OPCML: variants seen among roughly 807,000 people sequenced by gnomAD.
OPCML encodes opioid-binding protein/cell adhesion molecule.
A neutral mutation model predicts 37.8 loss-of-function variants in OPCML; 13 were observed. The ratio of observed to expected loss-of-function variants is 0.34; its 90% confidence interval spans 0.22 to 0.55. The LOEUF (loss-of-function observed/expected upper bound fraction) is 0.55. Ranked by LOEUF, OPCML falls within the 20% of genes least tolerant of loss-of-function variation. The pLI is 0.91. For synonymous variants in OPCML, 176 were observed against 168.8 expected (o/e 1.04, Z -0.33); for missense variants, 341 against 435.6 (o/e 0.78, Z 1.93).
At chr11:132,727,634 G>A (rs1034735076) in intron 2 of OPCML, among the ~76,000 whole-genome samples, 2 of 152,138 alleles carry the variant, frequency 1.3e-5, no homozygotes, top group African/African-American at 4.8e-5. Context: ...CGAGTCCCAT[G>A]CCCATCAATT....
chr11:132,768,326 C>T (rs1047622419), intron 2 of OPCML, among the ~76,000 whole-genome samples: 1 of 152,156 alleles, frequency 6.6e-6, no homozygotes, highest in Non-Finnish European at 1.5e-5. Context: ...TGCCCCCATT[C>T]CGTCGATCTC....
intron 2 of OPCML, among the ~76,000 whole-genome samples, chr11:132,779,266 C>G (rs949424994): frequency 3.3e-5 from 5 of 152,120 alleles, no homozygotes; most frequent in Non-Finnish European, 7.3e-5. Flanking sequence ...CCACACCTGG[C>G]CTTAAGTTGT....
At chr11:133,138,340 A>G (rs987916282) in intron 1 of OPCML, among the ~76,000 whole-genome samples, 1 of 152,176 alleles carries the variant, frequency 6.6e-6, no homozygotes, top group Non-Finnish European at 1.5e-5. Flanking sequence ...TCCCAGCCTC[A>G]GCTAATCTGT....
At chr11:132,812,459 GAA>G (rs1242976879) in intron 2 of OPCML, among the ~76,000 whole-genome samples, 2 of 149,674 alleles carry the variant, frequency 1.3e-5, no homozygotes. Context: ...TCAAGAGGGA[GAA>G]AGTTTTAAAA....
intron 2 of OPCML, among the ~76,000 whole-genome samples, chr11:132,659,704 CTGTGTGTGTGTG>C (rs58318033): frequency 4.8e-5 from 7 of 147,232 alleles, no homozygotes; most frequent in African/African-American, 1.7e-4. Context: ...CACAAAATTC[CTGTGTGTGTGTG>C]TGTGTGTGTG....
At chr11:133,398,643 A>C (rs760512178) in intron 1 of OPCML, among the ~76,000 whole-genome samples, 1 of 152,226 alleles carries the variant, frequency 6.6e-6, no homozygotes, top group Admixed American at 6.5e-5. Flanking sequence ...GCAAACAAGA[A>C]ATATGCAATT....
At chr11:132,459,023 T>C (rs2096091850) in intron 4 of OPCML, among the ~76,000 whole-genome samples, 1 of 152,252 alleles carries the variant, frequency 6.6e-6, no homozygotes, top group Non-Finnish European at 1.5e-5. Context: ...AATGAATGTT[T>C]TGTACTCTGT....
At chr11:132,975,224 G>A (rs1466769733) in intron 1 of OPCML, among the ~76,000 whole-genome samples, 1 of 151,790 alleles carries the variant, frequency 6.6e-6, no homozygotes, top group Non-Finnish European at 1.5e-5. Flanking sequence ...ATAATGTAAT[G>A]ATAGGAAGTG....
chr11:133,106,730 T>C (rs1259462719), intron 1 of OPCML, among the ~76,000 whole-genome samples: 2 of 152,164 alleles, frequency 1.3e-5, no homozygotes, highest in East Asian at 3.8e-4. Flanking sequence ...CTGCTTAGGA[T>C]GGGGGAGTGG....
At chr11:133,396,113 C>A (rs1945280603) in intron 1 of OPCML, among the ~76,000 whole-genome samples, 1 of 151,672 alleles carries the variant, frequency 6.6e-6, no homozygotes, top group South Asian at 2.1e-4. Context: ...TTGGTTAATT[C>A]CTAGGTATTT....
chr11:133,450,790 G>C (rs547264939), intron 1 of OPCML, among the ~76,000 whole-genome samples: 11 of 151,572 alleles, frequency 7.3e-5, no homozygotes, highest in Non-Finnish European at 1.3e-4. Context: ...TATTGTCCTG[G>C]ATAGCTCAAT....
At chr11:132,821,963 C>T (rs117159825) in intron 2 of OPCML, among the ~76,000 whole-genome samples, 2,488 of 152,294 alleles carry the variant, frequency 0.016, 27 homozygotes, top group Middle Eastern at 0.031. Context: ...GATATTACAG[C>T]TCTCTATCTG....
chr11:133,283,258 G>A (rs1277373929), intron 1 of OPCML, among the ~76,000 whole-genome samples: 1 of 152,238 alleles, frequency 6.6e-6, no homozygotes, highest in South Asian at 2.1e-4. Context: ...TTCAGTCACG[G>A]GGGCAGATCC....
At chr11:133,180,413 A>G (rs1376409914) in intron 1 of OPCML, among the ~76,000 whole-genome samples, 1 of 151,506 alleles carries the variant, frequency 6.6e-6, no homozygotes, top group Non-Finnish European at 1.5e-5. Context: ...TCCTCCCAGA[A>G]CCTCCCTCCC....
At chr11:133,060,071 C>T (rs1011801605) in intron 1 of OPCML, among the ~76,000 whole-genome samples, 14 of 152,074 alleles carry the variant, frequency 9.2e-5, no homozygotes, top group Admixed American at 2.0e-4. Context: ...ATTTTAAGGC[C>T]GTTCCTTTCT....
At chr11:132,761,585 T>A (rs925134566) in intron 2 of OPCML, among the ~76,000 whole-genome samples, 1 of 152,078 alleles carries the variant, frequency 6.6e-6, no homozygotes, top group African/African-American at 2.4e-5. Context: ...TCTTTTCTTC[T>A]GCTTGATCGA....
At chr11:133,106,818 G>A (rs1182292768) in intron 1 of OPCML, among the ~76,000 whole-genome samples, 2 of 152,144 alleles carry the variant, frequency 1.3e-5, no homozygotes, top group Non-Finnish European at 2.9e-5. Context: ...GAAGCACAGC[G>A]CTTATCAGAT....
intron 2 of OPCML, among the ~76,000 whole-genome samples, chr11:132,687,255 A>T (rs1384969162): frequency 1.3e-5 from 2 of 150,600 alleles, no homozygotes; most frequent in Non-Finnish European, 3.0e-5. Flanking sequence ...GTTTTGCCGT[A>T]TTATGTTGTT....
intron 2 of OPCML, among the ~76,000 whole-genome samples, chr11:132,784,798 A>G (rs971167648): frequency 4.6e-5 from 7 of 152,134 alleles, no homozygotes; most frequent in African/African-American, 7.2e-5. Flanking sequence ...TGCTCTTGCC[A>G]TGTAATATAC....
Sources: gnomAD v4.1 joint callset for allele counts (sites outside exome capture counted in the v4.1 genomes callset) on GRCh38, gnomAD v4.1.1 for gene constraint, MANE v1.5 for transcripts, NCBI Gene and HGNC (gene_info 2026-07-23, HGNC 2026-07-21) for gene names.